The following BAG4 variants were observed in gnomAD, a reference collection of about 807,000 sequenced individuals.
BAG4 encodes the protein BAG cochaperone 4, also known as BAG family molecular chaperone regulator 4.
Under a neutral mutation model 52.1 loss-of-function variants are expected in BAG4, and 28 were observed. The ratio of observed to expected loss-of-function variants is 0.54; its 90% CI spans 0.40 to 0.74. BAG4 has a LOEUF of 0.74. BAG4 is among the 30% of genes least tolerant of loss of function. The pLI is 0.00. For synonymous variants in BAG4, 208 were observed against 217.0 expected, an observed-to-expected ratio of 0.96 and a Z score of 0.37; for missense variants, 525 against 572.0, an observed-to-expected ratio of 0.92 and a Z score of 0.84.
rs903744188 is a variant in BAG4 at position 38,182,428 on chromosome 8, T to C, written c.270+5289T>C. The stretch of plus-strand genomic sequence containing the variant: ...TCATTTTGGAAAATGTAATCACATA[T>C]CCACTTTAAAGGAATTGACTCCAGT... On this transcript the variant is annotated intron_variant, in intron 1 of 4. Transcript: ENST00000287322. 2.6e-5 allele frequency among the ~76,000 whole-genome samples: 4 copies of C among 152,302 alleles called. No homozygotes were observed. In the South Asian group the frequency reaches 6.2e-4, roughly 24 times the overall value.
rs527508328 is a variant in BAG4 at position 38,193,061 on chromosome 8, T to C, written c.378+266T>C. ...ACTTATTTTTGAAAACTTTACTGAT[T>C]ACAGACATTTAATTTAAAATATTTT... is the stretch of plus-strand genomic sequence containing the variant. On this transcript the variant is annotated intron_variant, in intron 2 of 4. Transcript: ENST00000287322. 2.0e-5 allele frequency among the ~76,000 whole-genome samples: 3 copies of C among 152,260 alleles called. No homozygotes were observed. The South Asian group carries it at 6.2e-4, about 32-fold the overall frequency.
chr8:38,185,940 C>T (rs1335691851), intron 1 of BAG4, among the ~76,000 whole-genome samples: 2 of 152,166 alleles, frequency 1.3e-5, no homozygotes, highest in Non-Finnish European at 2.9e-5. Context: ...CTAAAAGCTC[C>T]TCCATCCCTC....
At chr8:38,188,368 G>C (rs1803403648) in intron 1 of BAG4, among the ~76,000 whole-genome samples, 1 of 150,908 alleles carries the variant, frequency 6.6e-6, no homozygotes. Flanking sequence ...AAGGTTTAAA[G>C]ATACAAATAG....
At chr8:38,196,835 G>T (rs760749473) in intron 2 of BAG4, among the ~76,000 whole-genome samples, 1 of 152,078 alleles carries the variant, frequency 6.6e-6, no homozygotes, top group Non-Finnish European at 1.5e-5. Context: ...CCAGCACTTT[G>T]GGAGGCCAAG....
At chr8:38,182,995 C>CCA (rs1585651153) in intron 1 of BAG4, among the ~76,000 whole-genome samples, 1 of 150,346 alleles carries the variant, frequency 6.7e-6, no homozygotes, top group Admixed American at 6.6e-5. Context: ...ATAACCACCA[C>CCA]CACCACCACC....
intron 3 of BAG4, among the ~76,000 whole-genome samples, chr8:38,208,551 T>A (rs1197960898): frequency 6.6e-6 from 1 of 151,904 alleles, no homozygotes. Flanking sequence ...GACCTCGTGA[T>A]CCGCCCATCT....
intron 1 of BAG4, among the ~76,000 whole-genome samples, chr8:38,189,038 A>C (rs1278345761): frequency 6.7e-6 from 1 of 149,274 alleles, no homozygotes; most frequent in African/African-American, 2.5e-5. Flanking sequence ...AGTTCACTAC[A>C]CCTCTGCTTC....
chr8:38,184,941 T>C (rs1585652396), intron 1 of BAG4, among the ~76,000 whole-genome samples: 1 of 151,938 alleles, frequency 6.6e-6, no homozygotes, highest in South Asian at 2.1e-4. Context: ...ATACAAAAAT[T>C]AGCTGGGCGT....
intron 1 of BAG4, among the ~76,000 whole-genome samples, chr8:38,185,827 T>C (rs370620158): frequency 6.6e-6 from 1 of 152,102 alleles, no homozygotes; most frequent in Non-Finnish European, 1.5e-5. Context: ...CCTCCCAGAG[T>C]TCTGGGATTA....
chr8:38,205,251 G>A (rs1803752188), intron 2 of BAG4, among the ~76,000 whole-genome samples: 1 of 93,878 alleles, frequency 1.1e-5, no homozygotes, highest in African/African-American at 4.2e-5. Context: ...AGGTCTTGCT[G>A]TTTGCACAGG....
chr8:38,196,311 G>C (rs1304680021), intron 2 of BAG4, among the ~76,000 whole-genome samples: 4 of 152,094 alleles, frequency 2.6e-5, no homozygotes, highest in African/African-American at 9.7e-5. Context: ...AGCAATGTAT[G>C]AGGGCTCTGA....
At chr8:38,202,505 C>T (rs1001766646) in intron 2 of BAG4, among the ~76,000 whole-genome samples, 6 of 151,740 alleles carry the variant, frequency 4.0e-5, no homozygotes, top group Non-Finnish European at 7.4e-5. Flanking sequence ...AGTCCACCTG[C>T]CTTGGCCTTC....
At chr8:38,191,375 T>C (rs1444782898) in intron 1 of BAG4, among the ~76,000 whole-genome samples, 1 of 152,186 alleles carries the variant, frequency 6.6e-6, no homozygotes, top group Non-Finnish European at 1.5e-5. Flanking sequence ...ATAGTGATAA[T>C]CTCTCAGTTA....
chr8:38,199,761 G>A (rs1411305750), intron 2 of BAG4, among the ~76,000 whole-genome samples: 2 of 152,060 alleles, frequency 1.3e-5, no homozygotes, highest in African/African-American at 4.8e-5. Context: ...CTGACCTCGT[G>A]GTCCACCTGC....
chr8:38,193,855 C>A (rs1185812524), intron 2 of BAG4, among the ~76,000 whole-genome samples: 2 of 151,772 alleles, frequency 1.3e-5, no homozygotes, highest in African/African-American at 4.8e-5. Flanking sequence ...TCTCCTGCTT[C>A]AGCCTCCCAA....
chr8:38,209,894 G>A, intron 4 of BAG4, 114 bp from the exon 5 acceptor site: 1 of 1,392,660 alleles, frequency 7.2e-7, no homozygotes. Context: ...TTTATTGTTA[G>A]GGAATCTTTT....
intron 2 of BAG4, chr8:38,203,117 TA>T (rs1234116342): frequency 1.3e-5 from 2 of 152,082 alleles, no homozygotes; most frequent in African/African-American, 4.8e-5. Flanking sequence ...GAAGTTGTAG[TA>T]AGGGGAAACT....
At chr8:38,200,736 T>C (rs1803648666) in intron 2 of BAG4, among the ~76,000 whole-genome samples, 1 of 152,144 alleles carries the variant, frequency 6.6e-6, no homozygotes, top group South Asian at 2.1e-4. Context: ...GTAGCTGGGA[T>C]TACAGGCATG....
intron 1 of BAG4, among the ~76,000 whole-genome samples, chr8:38,182,940 CTT>C (rs1716641848): frequency 6.7e-6 from 1 of 148,976 alleles, no homozygotes. Context: ...ATTTCACTGT[CTT>C]TAGGGTATAG....
Sources: gnomAD v4.1 joint callset for allele counts (sites outside exome capture counted in the v4.1 genomes callset) on GRCh38, gnomAD v4.1.1 for gene constraint, MANE v1.5 for transcripts, NCBI Gene and HGNC (gene_info 2026-07-23, HGNC 2026-07-21) for gene names.